ADAMTS17: variants seen among roughly 807,000 people sequenced by gnomAD.
The protein encoded by ADAMTS17 is ADAM metallopeptidase with thrombospondin type 1 motif 17, also known as A disintegrin and metalloproteinase with thrombospondin motifs 17.
Under a neutral mutation model 141.5 loss-of-function variants are expected in ADAMTS17, and 113 were observed. The observed-to-expected ratio is 0.80, with a 90% CI of 0.69 to 0.93. ADAMTS17 has a LOEUF of 0.93. Among genes scored for constraint, ADAMTS17 ranks in the 40% least tolerant of loss-of-function variants. ADAMTS17 has a pLI of 0.00. For synonymous variants in ADAMTS17, 768 were observed against 630.6 expected, an observed-to-expected ratio of 1.22 and a Z score of -3.27; for missense variants, 1,659 against 1,517.9, an observed-to-expected ratio of 1.09 and a Z score of -1.54.
At chr15:100,152,896 G>A (rs1451535435) in intron 9 of ADAMTS17, 134 bp from the exon 10 acceptor site, 2 of 818,078 alleles carry the variant, frequency 2.4e-6, no homozygotes, top group Non-Finnish European at 3.2e-6. Context: ...AAAGGACGCA[G>A]GCACTGGACA....
Position 100,249,407 on chromosome 15 carries a change from G to A in ADAMTS17, c.1075+4729C>T, listed in dbSNP as rs139180808. Among the ~76,000 whole-genome samples the A allele has an allele frequency of 1.1e-4, 16 of 152,298 alleles. No individual in the cohort carries two copies. In the South Asian group the frequency reaches 3.1e-3, roughly 30 times the overall value. On this transcript the variant is annotated intron_variant, in intron 7 of 21. Transcript: ENST00000268070. ...GCTTTACCCTCAACATGCATTCTTC[G>A]TGGGAGGTGCTGTTGCCTCTCCTAT...
At chr15:100,051,789 G>A in intron 16 of ADAMTS17, 58 bp from the exon 17 acceptor site, 1 of 1,604,580 alleles carries the variant, frequency 6.2e-7, no homozygotes, top group South Asian at 1.1e-5. Context: ...CCGTGGGAAT[G>A]CCGAATCTGC....
rs1179895049 is a variant in ADAMTS17 at position 100,141,342 on chromosome 15, G to A, written c.1474-8027C>T. On this transcript the variant is annotated intron_variant, in intron 10 of 21. Coordinates refer to ENST00000268070, the MANE Select transcript of ADAMTS17 (RefSeq NM_139057.4). The stretch of plus-strand genomic sequence containing the variant: ...CCCTGTCAAGGACTGTGAAGGTCAT[G>A]TTGCTGTTCTCTTGCCTCATCCTCT... Among the ~76,000 whole-genome samples the A allele has an allele frequency of 5.3e-5, 8 of 152,204 alleles. No homozygotes were observed. In the East Asian group the frequency reaches 1.5e-3, roughly 29 times the overall value.
At chr15:100,056,923 G>A (rs916948294) in intron 15 of ADAMTS17, among the ~76,000 whole-genome samples, 2 of 152,040 alleles carry the variant, frequency 1.3e-5, no homozygotes, top group South Asian at 2.1e-4. Context: ...AGGTGCCTCC[G>A]GGGCCTGGGA....
chr15:100,334,423 T>C lies in ADAMTS17; in HGVS notation c.451-3369A>G, dbSNP rs541554202. ...CATGAGTGGGTCTCAGGTCTCCTTC[T>C]CTAGGTCAAGATGGGTTGAGAGGAT... is the stretch of plus-strand genomic sequence containing the variant. On this transcript the variant is annotated intron_variant, in intron 2 of 21. Transcript: ENST00000268070. 3.9e-5 allele frequency among the ~76,000 whole-genome samples: 6 copies of C among 152,286 alleles called. No homozygotes were observed. In the South Asian group the frequency reaches 1.0e-3, roughly 26 times the overall value.
intron 15 of ADAMTS17, among the ~76,000 whole-genome samples, chr15:100,077,809 A>C (rs938325606): frequency 2.0e-5 from 3 of 152,210 alleles, no homozygotes; most frequent in African/African-American, 7.2e-5. Context: ...GATTGGAAAG[A>C]AGAAGTAAAA....
rs1364937249 is a variant in ADAMTS17, at chr15:100,123,856, C to T, written c.1722-6843G>A. Among the ~76,000 whole-genome samples, 6 of 152,214 alleles carry T rather than the reference C, an allele frequency of 3.9e-5. No individual in the cohort carries two copies. The East Asian group carries it at 1.2e-3, about 29-fold the overall frequency. Reference sequence around the variant, plus strand: ...TCTGCCTCTGGGAGGGGCTGCCCATCAGCCACCACGAGGCCTGAAGGACAG... The same window carrying T: ...TCTGCCTCTGGGAGGGGCTGCCCATTAGCCACCACGAGGCCTGAAGGACAG... On this transcript the variant is annotated intron_variant, in intron 12 of 21. Coordinates refer to ENST00000268070, the MANE Select transcript of ADAMTS17 (RefSeq NM_139057.4).
intron 20 of ADAMTS17, 127 bp from the exon 21 acceptor site, chr15:99,976,349 G>T: frequency 8.2e-7 from 1 of 1,219,650 alleles, no homozygotes; most frequent in East Asian, 2.5e-5. Flanking sequence ...AGGGGGCTGG[G>T]ATGATGGCCT....
rs2032485227 is a variant in ADAMTS17, at chr15:100,055,436, C to G, written c.2138-1382G>C. Among the ~76,000 whole-genome samples the G allele has an allele frequency of 2.6e-5, 4 of 152,192 alleles. No homozygotes were observed. The South Asian group carries it at 6.2e-4, about 24-fold the overall frequency. On this transcript the variant is annotated intron_variant, in intron 15 of 21. Coordinates refer to ENST00000268070, the MANE Select transcript of ADAMTS17 (RefSeq NM_139057.4). The stretch of plus-strand genomic sequence containing the variant: ...TCTTGTCTCCAGGACATTATGGTCC[C>G]ACTGCTCGCTCCCGGCAAACACACA...
intron 15 of ADAMTS17, among the ~76,000 whole-genome samples, chr15:100,077,461 CA>C (rs61464362): frequency 0.13 from 17,831 of 139,102 alleles, 1,137 homozygotes; most frequent in South Asian, 0.21. Context: ...GACTCCCTCT[CA>C]AAAAAAAAAA....
chr15:100,004,445 C>G (rs760519697), intron 18 of ADAMTS17, among the ~76,000 whole-genome samples: 5 of 152,292 alleles, frequency 3.3e-5, no homozygotes, highest in East Asian at 1.9e-4. Flanking sequence ...ATCACGTTGA[C>G]TTTAAATCCA....
intron 15 of ADAMTS17, among the ~76,000 whole-genome samples, chr15:100,089,289 C>T (rs1293902464): frequency 7.8e-6 from 1 of 127,908 alleles, no homozygotes; most frequent in Non-Finnish European, 1.5e-5. Flanking sequence ...TAATGAGATA[C>T]CATCTCACAC....
At chr15:99,992,988 C>A in intron 20 of ADAMTS17, 60 bp downstream of exon 20, 1 of 1,608,068 alleles carries the variant, frequency 6.2e-7, no homozygotes, top group African/African-American at 1.3e-5. Flanking sequence ...GAGCTGAGTT[C>A]CCGACCCTCG....
At chr15:99,978,259 A>G (rs2060409230) in intron 20 of ADAMTS17, among the ~76,000 whole-genome samples, 1 of 152,146 alleles carries the variant, frequency 6.6e-6, no homozygotes. Context: ...AGCCAGGTGG[A>G]TTCCTCAGCT....
intron 14 of ADAMTS17, among the ~76,000 whole-genome samples, chr15:100,107,007 T>A (rs2036452967): frequency 6.6e-6 from 1 of 152,196 alleles, no homozygotes; most frequent in African/African-American, 2.4e-5. Context: ...ATCACCCACA[T>A]TTATCTGTAT....
chr15:100,167,045 C>T (rs779995405), intron 8 of ADAMTS17, among the ~76,000 whole-genome samples: 1 of 152,136 alleles, frequency 6.6e-6, no homozygotes, highest in Non-Finnish European at 1.5e-5. Context: ...GGCCACTGGC[C>T]ACGTGTGGCT....
chr15:100,304,710 C>T (rs1457542849), intron 3 of ADAMTS17, among the ~76,000 whole-genome samples: 1 of 152,240 alleles, frequency 6.6e-6, no homozygotes, highest in African/African-American at 2.4e-5. Context: ...CTGCTCTGTA[C>T]TGCCGCCTTT....
chr15:100,339,229 A>G, intron 2 of ADAMTS17: 2 of 911,528 alleles, frequency 2.2e-6, no homozygotes, highest in Non-Finnish European at 1.3e-6. Flanking sequence ...CTGAGATGCC[A>G]TCTATGACAG....
At chr15:100,119,373 A>C (rs2037333772) in intron 12 of ADAMTS17, among the ~76,000 whole-genome samples, 1 of 152,192 alleles carries the variant, frequency 6.6e-6, no homozygotes, top group African/African-American at 2.4e-5. Context: ...AGTCATGAGG[A>C]ACAAAACACG....
Sources: gnomAD v4.1 joint callset for allele counts (sites outside exome capture counted in the v4.1 genomes callset) on GRCh38, gnomAD v4.1.1 for gene constraint, MANE v1.5 for transcripts, NCBI Gene and HGNC (gene_info 2026-07-23, HGNC 2026-07-21) for gene names.